STK32B: variants seen among roughly 807,000 people sequenced by gnomAD.
The protein encoded by STK32B is serine/threonine-protein kinase 32B.
A neutral mutation model predicts 52.6 loss-of-function variants in STK32B; 43 were observed. The observed-to-expected ratio is 0.82, with a 90% confidence interval of 0.64 to 1.05. The LOEUF (loss-of-function observed/expected upper bound fraction) is 1.05. Ranked by LOEUF, STK32B falls within the 50% of genes least tolerant of loss-of-function variation. STK32B has a pLI of 0.00. For missense variants in STK32B, 621 were observed against 534.6 expected (o/e 1.16, Z -1.59); for synonymous variants, 238 against 204.3 (o/e 1.17, Z -1.41).
intron 3 of STK32B, among the ~76,000 whole-genome samples, chr4:5,210,659 A>G (rs542513098): frequency 7.2e-5 from 11 of 152,310 alleles, no homozygotes; most frequent in Middle Eastern, 6.8e-3. Flanking sequence ...TGCCCTAGAG[A>G]AGGCATTGGC....
chr4:5,434,665 G>A (rs1471807898), intron 6 of STK32B, among the ~76,000 whole-genome samples: 2 of 152,102 alleles, frequency 1.3e-5, no homozygotes, highest in South Asian at 2.1e-4. Context: ...TCCCGAAATG[G>A]AGGTAGTACC....
chr4:5,320,789 T>G (rs1159507519), intron 3 of STK32B, among the ~76,000 whole-genome samples: 1 of 152,210 alleles, frequency 6.6e-6, no homozygotes. Context: ...CAGATGGATA[T>G]CCTATCTATT....
At chr4:5,436,667 C>T (rs967192060) in intron 6 of STK32B, 17 of 985,224 alleles carry the variant, frequency 1.7e-5, no homozygotes, top group South Asian at 9.4e-5. Flanking sequence ...AGGGTACACG[C>T]GCTATTAGGA....
At chr4:5,246,183 C>A (rs567809480) in intron 3 of STK32B, among the ~76,000 whole-genome samples, 1 of 152,314 alleles carries the variant, frequency 6.6e-6, no homozygotes, top group South Asian at 2.1e-4. Flanking sequence ...AAGTTGGTTC[C>A]TTTCTCCCCG....
intron 4 of STK32B, among the ~76,000 whole-genome samples, chr4:5,388,842 C>G (rs1391529979): frequency 6.6e-6 from 1 of 152,130 alleles, no homozygotes; most frequent in Non-Finnish European, 1.5e-5. Flanking sequence ...TTGTGAATCC[C>G]AAAACCTTTG....
rs868212189 is a variant in STK32B, at chr4:5,244,827, A to G, written c.260+76377A>G. Among the ~76,000 whole-genome samples, 10 of 152,028 alleles carry G rather than the reference A, an allele frequency of 6.6e-5. No individual in the cohort carries two copies. In the East Asian group the frequency reaches 9.6e-4, roughly 15 times the overall value. ...ACATCTTTATTTCTGCCTTCATTTC[A>G]TTATGTACCCAGTAGTCATTCAGGA... On this transcript the variant is annotated intron_variant, in intron 3 of 11. Coordinates refer to ENST00000282908, the MANE Select transcript of STK32B (RefSeq NM_018401.3).
In STK32B at chr4:5,262,354, C is replaced by T. The variant is rs547107580; in HGVS notation, c.261-68866C>T. Among the ~76,000 whole-genome samples the T allele has an allele frequency of 1.1e-4, 16 of 152,016 alleles. 1 individual carries two copies. In the South Asian group the frequency reaches 3.3e-3, roughly 32 times the overall value. Reference sequence around the variant, plus strand: ...TAAAAATGGCAGTGTGTGCCGGGCGCAGTGGCTCACACCTGTAATCCCAGC... The same window carrying T: ...TAAAAATGGCAGTGTGTGCCGGGCGTAGTGGCTCACACCTGTAATCCCAGC... On this transcript the variant is annotated intron_variant, in intron 3 of 11. Transcript: ENST00000282908.
intron 3 of STK32B, among the ~76,000 whole-genome samples, chr4:5,170,916 A>C (rs1719317385): frequency 6.6e-6 from 1 of 152,252 alleles, no homozygotes; most frequent in Admixed American, 6.5e-5. Flanking sequence ...ACTAGTTTAC[A>C]GTCCCACCAA....
chr4:5,130,541 C>T (rs1715697858), intron 1 of STK32B, among the ~76,000 whole-genome samples: 1 of 152,110 alleles, frequency 6.6e-6, no homozygotes, highest in South Asian at 2.1e-4. Context: ...CACCCTGGAA[C>T]CAATAGGTTC....
At chr4:5,136,948 A>C (rs1043436275) in intron 1 of STK32B, among the ~76,000 whole-genome samples, 1 of 152,168 alleles carries the variant, frequency 6.6e-6, no homozygotes, top group Non-Finnish European at 1.5e-5. Context: ...TGCCCCATAC[A>C]TTGTTAGTTT....
At chr4:5,229,210 C>T (rs944121171) in intron 3 of STK32B, among the ~76,000 whole-genome samples, 7 of 128,848 alleles carry the variant, frequency 5.4e-5, no homozygotes, top group African/African-American at 1.7e-4. Context: ...AAATGAGGTA[C>T]GTCTATATTT....
At chr4:5,429,284 T>A (rs914535500) in intron 6 of STK32B, among the ~76,000 whole-genome samples, 3 of 152,194 alleles carry the variant, frequency 2.0e-5, no homozygotes, top group Admixed American at 6.5e-5. Context: ...CCACTTATAT[T>A]TAATATAATT....
intron 7 of STK32B, among the ~76,000 whole-genome samples, chr4:5,456,182 A>G (rs1246061634): frequency 2.0e-5 from 3 of 152,250 alleles, no homozygotes; most frequent in Non-Finnish European, 4.4e-5. Context: ...GCACATGGCA[A>G]TGTTGAGAAA....
intron 3 of STK32B, among the ~76,000 whole-genome samples, chr4:5,258,516 C>T (rs1726484029): frequency 6.6e-6 from 1 of 152,176 alleles, no homozygotes; most frequent in Admixed American, 6.5e-5. Flanking sequence ...TAAAGCTAAG[C>T]TCTTGGCTGC....
chr4:5,085,855 C>T (rs1021333348), intron 1 of STK32B, among the ~76,000 whole-genome samples: 1 of 152,144 alleles, frequency 6.6e-6, no homozygotes, highest in African/African-American at 2.4e-5. Flanking sequence ...AATAACAACC[C>T]ATGTGCCTTG....
chr4:5,462,696 G>A (rs1717131109), intron 9 of STK32B, among the ~76,000 whole-genome samples: 1 of 152,150 alleles, frequency 6.6e-6, no homozygotes, highest in South Asian at 2.1e-4. Flanking sequence ...CGACCTTTGG[G>A]GAGGGACCAC....
intron 1 of STK32B, among the ~76,000 whole-genome samples, chr4:5,123,391 C>G (rs1053022347): frequency 6.6e-6 from 1 of 152,174 alleles, no homozygotes; most frequent in Non-Finnish European, 1.5e-5. Context: ...GTCCATAACC[C>G]GGGGTCCTGA....
At chr4:5,411,770 G>T (rs1711709904) in intron 5 of STK32B, among the ~76,000 whole-genome samples, 1 of 152,068 alleles carries the variant, frequency 6.6e-6, no homozygotes, top group South Asian at 2.1e-4. Context: ...ACCCAACCAT[G>T]CTGGCACCCT....
chr4:5,035,334 A>G, the STK32B span, among the ~76,000 whole-genome samples: 1 of 152,230 alleles, frequency 6.6e-6, no homozygotes, highest in Admixed American at 6.5e-5. Flanking sequence ...TAGCTTGAGT[A>G]AATGATTAAG....
Sources: gnomAD v4.1 joint callset for allele counts (sites outside exome capture counted in the v4.1 genomes callset) on GRCh38, gnomAD v4.1.1 for gene constraint, MANE v1.5 for transcripts, NCBI Gene and HGNC (gene_info 2026-07-23, HGNC 2026-07-21) for gene names.